The following EXT2 variants were observed in gnomAD, a reference collection of about 807,000 sequenced individuals.
EXT2 encodes exostosin-2.
In EXT2, 53 loss-of-function variants were observed where a neutral mutation model predicts 81.6. That is an observed-to-expected ratio of 0.65 (90% CI 0.52 to 0.82). The LOEUF (loss-of-function observed/expected upper bound fraction) is 0.82, where lower values mean the gene tolerates loss of function less well. Ranked by LOEUF, EXT2 falls within the 40% of genes least tolerant of loss-of-function variation. The pLI is 0.00. For synonymous variants in EXT2, 320 were observed against 340.0 expected, an observed-to-expected ratio of 0.94 and a Z score of 0.65; for missense variants, 774 against 910.2, an observed-to-expected ratio of 0.85 and a Z score of 1.93.
chr11:44,188,419 C>G (rs115767129), intron 8 of EXT2, among the ~76,000 whole-genome samples: 4 of 152,192 alleles, frequency 2.6e-5, no homozygotes, highest in African/African-American at 9.6e-5. Flanking sequence ...CTGTATTGAC[C>G]CTTGTGATTA....
chr11:44,167,978 G>A (rs1436197165), intron 7 of EXT2, among the ~76,000 whole-genome samples: 32 of 23,740 alleles, frequency 1.3e-3, no homozygotes, highest in Admixed American at 2.7e-3. Context: ...CCACTCCCCC[G>A]ACCCCACAAC....
At position 44,120,559 on chromosome 11, in the gene EXT2, C is replaced by T. The variant is rs140087065; in HGVS notation, c.744-4230C>T. ...AAAGTAAAGACAGGTTCAGACTCAT[C>T]ATCCTGCCAGGGACGTGGGAGAAGG... On this transcript the variant is annotated intron_variant, in intron 4 of 13. Coordinates refer to ENST00000533608, the MANE Select transcript of EXT2 (RefSeq NM_207122.2). 5.9e-5 allele frequency among the ~76,000 whole-genome samples: 9 copies of T among 152,368 alleles called. No individual in the cohort carries two copies. In the East Asian group the frequency reaches 1.7e-3, roughly 29 times the overall value.
Position 44,246,171 on chromosome 11 carries a change from G to A in EXT2, c.*1884G>A, listed in dbSNP as rs1187391696. ...ACAGTGAGGACCTCTAATCTTTCTA[G>A]GGGTTTTCTAGTTTGTTTTCCAAGA... On this transcript the variant is annotated 3_prime_UTR_variant, in exon 14 of 14. Transcript: ENST00000533608. Among the ~76,000 whole-genome samples, 3 of 152,164 alleles carry A rather than the reference G, an allele frequency of 2.0e-5. No individual in the cohort carries two copies. The highest frequency in any genetic ancestry group is 7.2e-5 in the African/African-American group (3 of 41,438).
chr11:44,235,497 C>T (rs755912975), intron 12 of EXT2, among the ~76,000 whole-genome samples: 3 of 151,938 alleles, frequency 2.0e-5, no homozygotes, highest in African/African-American at 4.8e-5. Context: ...CCACCCGCTT[C>T]GGCCTCCCAA....
At chr11:44,119,124 TTA>T (rs200249806) in intron 4 of EXT2, among the ~76,000 whole-genome samples, 191 of 25,594 alleles carry the variant, frequency 7.5e-3, no homozygotes, top group East Asian at 0.021. Context: ...ATTTGGCTAT[TTA>T]TATATATATA....
At chr11:44,198,475 G>C (rs573797618) in intron 9 of EXT2, among the ~76,000 whole-genome samples, 7 of 152,136 alleles carry the variant, frequency 4.6e-5, no homozygotes, top group African/African-American at 1.7e-4. Context: ...CTTAAAGAGA[G>C]CAATCACTAG....
Position 44,220,235 on chromosome 11 carries a change from C to CTTTTAG in EXT2, c.1663-12118_1663-12117insTTTTAG, listed in dbSNP as rs1955767317. 2.0e-5 allele frequency among the ~76,000 whole-genome samples: 3 copies of CTTTTAG among 152,156 alleles called. No individual in the cohort carries two copies. The highest frequency in any genetic ancestry group is 4.8e-5 in the African/African-American group (2 of 41,420). On this transcript the variant is annotated intron_variant, in intron 10 of 13. Transcript: ENST00000533608. This position sits in a 1 kb window ranked among gnomAD's most constrained non-coding sequence, Gnocchi z 4.4. ...TTACAGTGTAACTAGGACCAGTTTG[C>CTTTTAG]CAAAGTTGAGCTTTTAGAAAACCAT...
rs201185639 is a variant in EXT2 at position 44,107,720 on chromosome 11, C to T, written c.8C>T (p.Ala3Val). The T allele has an allele frequency of 5.6e-5, 90 of 1,614,088 alleles. No individual in the cohort carries two copies. In the East Asian group the frequency reaches 1.4e-3, roughly 26 times the overall value. MCASVKYNIRGPA... is the reference protein window; with the variant it reads MCVSVKYNIRGPA... ...GAGGCTGTCTGTGTCATTATGTGTG[C>T]GTCGGTCAAGTATAATATCCGGGGT... is the stretch of plus-strand genomic sequence containing the variant. The change falls in exon 2 of 14, where the codon GCG becomes GTG. Residue 3 changes from alanine (A) to valine (V), a missense_variant. Physicochemically the swap from Ala to Val is moderately conservative, Grantham distance 64 (BLOSUM62 0). Coordinates refer to ENST00000533608, the MANE Select transcript of EXT2 (RefSeq NM_207122.2).
At chr11:44,173,563 C>CTTTTTTTTTTTTTTTTTTTTTTTTTTT (rs66702988) in intron 8 of EXT2, among the ~76,000 whole-genome samples, 5 of 100,068 alleles carry the variant, frequency 5.0e-5, no homozygotes, top group Admixed American at 1.3e-4. Flanking sequence ...TTCTTTCTTT[C>CTTTTTTTTTTTTTTTTTTTTTTTTTTT]TTTTTTTTTT....
intron 10 of EXT2, among the ~76,000 whole-genome samples, chr11:44,229,629 T>G (rs1037367245): frequency 1.3e-5 from 2 of 152,224 alleles, no homozygotes; most frequent in Middle Eastern, 3.2e-3. Flanking sequence ...TACCTGCTTC[T>G]GGAAAAACAA....
At chr11:44,172,426 A>G (rs1027477466) in intron 8 of EXT2, among the ~76,000 whole-genome samples, 3 of 152,156 alleles carry the variant, frequency 2.0e-5, no homozygotes, top group Admixed American at 1.3e-4. Context: ...GGAGCTGGAA[A>G]TTACTACTTC....
chr11:44,164,741 G>T (rs1954969626), intron 7 of EXT2, among the ~76,000 whole-genome samples: 1 of 152,164 alleles, frequency 6.6e-6, no homozygotes. Context: ...GATTAACCAA[G>T]AAAGTTTAAA....
intron 10 of EXT2, among the ~76,000 whole-genome samples, chr11:44,213,857 A>C (rs1955682074): frequency 6.6e-6 from 1 of 152,246 alleles, no homozygotes; most frequent in African/African-American, 2.4e-5. Context: ...AAGAGACATA[A>C]ATGTACAGAC....
At chr11:44,139,572 C>T (rs1344753006) in intron 7 of EXT2, among the ~76,000 whole-genome samples, 1 of 152,152 alleles carries the variant, frequency 6.6e-6, no homozygotes, top group East Asian at 1.9e-4. Flanking sequence ...TTTTCCTCTT[C>T]TCCCCATTTT....
At chr11:44,102,021 T>C (rs1265175454) in intron 1 of EXT2, among the ~76,000 whole-genome samples, 2 of 151,620 alleles carry the variant, frequency 1.3e-5, no homozygotes, top group Non-Finnish European at 2.9e-5. Flanking sequence ...GAAAAATCAC[T>C]ATCTCTCCCC....
intron 10 of EXT2, among the ~76,000 whole-genome samples, chr11:44,210,370 A>G (rs1955633061): frequency 1.3e-5 from 2 of 152,366 alleles, no homozygotes; most frequent in South Asian, 4.1e-4. Flanking sequence ...CAAAGTAATT[A>G]TGCTAAGTTA....
intron 10 of EXT2, among the ~76,000 whole-genome samples, chr11:44,216,518 G>A (rs1420785292): frequency 6.6e-6 from 1 of 152,140 alleles, no homozygotes; most frequent in Non-Finnish European, 1.5e-5. Context: ...AGGAGAGAGA[G>A]CCGAATATGG....
chr11:44,227,455 C>A (rs1955850310), intron 10 of EXT2, among the ~76,000 whole-genome samples: 1 of 152,100 alleles, frequency 6.6e-6, no homozygotes, highest in Non-Finnish European at 1.5e-5. Flanking sequence ...TAATCCAATC[C>A]CTTATTTTAT....
intron 7 of EXT2, among the ~76,000 whole-genome samples, chr11:44,149,100 G>T (rs1184430773): frequency 1.3e-5 from 2 of 152,146 alleles, no homozygotes; most frequent in Admixed American, 1.3e-4. Flanking sequence ...AGTAGCTCAG[G>T]CCTGTAATCC....
Sources: allele counts gnomAD v4.1 joint callset (sites outside exome capture counted in the v4.1 genomes callset), GRCh38; gene constraint gnomAD v4.1.1; non-coding constraint Gnocchi (gnomAD v3.1); transcripts MANE v1.5; gene names NCBI Gene and HGNC (gene_info 2026-07-23, HGNC 2026-07-21).